The following MSANTD3 variants were observed in gnomAD, a reference collection of about 807,000 sequenced individuals.
MSANTD3 encodes Myb/SANT DNA binding domain containing 3, also known as myb/SANT-like DNA-binding domain-containing protein 3.
MSANTD3 carries 11 observed loss-of-function variants against 27.7 expected under a neutral mutation model. That is an observed-to-expected ratio of 0.40 (90% confidence interval 0.25 to 0.66). The LOEUF (loss-of-function observed/expected upper bound fraction) is 0.66, where lower values mean the gene tolerates loss of function less well. Among genes scored for constraint, MSANTD3 ranks in the 30% least tolerant of loss-of-function variants. The pLI, the probability that MSANTD3 is intolerant of heterozygous loss-of-function variation, is 0.41. For missense variants in MSANTD3, 250 were observed against 336.5 expected (o/e 0.74, Z 2.01); for synonymous variants, 131 against 127.2 (o/e 1.03, Z -0.20).
Position 100,427,277 on chromosome 9 carries a change from G to C in MSANTD3, c.-150G>C, listed in dbSNP as rs1407164662. 1 of 145,566 alleles carries C rather than the reference G, an allele frequency of 6.9e-6. No individual in the cohort carries two copies. The highest frequency in any genetic ancestry group is 1.5e-5 in the Non-Finnish European group (1 of 65,588). 9.0% of individuals were successfully genotyped at this position (145,566 alleles called of 1,614,324 possible). A position where few individuals can be genotyped will look rare whatever the true frequency, so the allele number is the denominator to read the frequency against. On this transcript the variant is annotated 5_prime_UTR_variant, in exon 1 of 3. Coordinates refer to ENST00000395067, the MANE Select transcript of MSANTD3 (RefSeq NM_080655.3). ...GCCGCCGCCGCCGCCGCCGCCCGGCGTTCGGGAGCCCGCGGCCCTCCCGGC... is the reference window on the plus strand; with the variant it reads ...GCCGCCGCCGCCGCCGCCGCCCGGCCTTCGGGAGCCCGCGGCCCTCCCGGC...
chr9:100,448,907 C>G (rs1836818507), intron 2 of MSANTD3: 3 of 984,370 alleles, frequency 3.0e-6, no homozygotes, highest in South Asian at 9.4e-5. Flanking sequence ...TAATTAGGGA[C>G]TAGTTATGAT....
chr9:100,445,293 A>C (rs1240044780), intron 2 of MSANTD3: 4 of 1,027,886 alleles, frequency 3.9e-6, no homozygotes, highest in Non-Finnish European at 4.6e-6. Flanking sequence ...ATTTGACATA[A>C]GGAATGTGTG....
In MSANTD3 at chr9:100,442,181, C is replaced by CA; in HGVS notation, c.250dup (p.Ile84AsnfsTer5). The stretch of plus-strand genomic sequence containing the variant: ...GCTGGGAGAACATCAAGGCTCGGAC[C>CA]AAAAAAATTATGGCCCATGAAAGGA... On this transcript the variant is annotated frameshift_variant, in exon 2 of 3. Transcript: ENST00000395067. LOFTEE classifies it high-confidence loss of function. 6.2e-7 allele frequency: 1 copy of CA among 1,613,956 alleles called. No individual in the cohort carries two copies. Among genetic ancestry groups the CA allele is most frequent in the South Asian group, 1.1e-5 (1 of 91,068 alleles).
intron 2 of MSANTD3, 78 bp downstream of exon 2, chr9:100,442,434 G>C: frequency 6.6e-7 from 1 of 1,506,542 alleles, no homozygotes; most frequent in Admixed American, 2.3e-5. Flanking sequence ...CCTCCACTTT[G>C]AGGGAACTTC....
At chr9:100,435,985 T>C (rs1836470166) in intron 1 of MSANTD3, among the ~76,000 whole-genome samples, 1 of 152,260 alleles carries the variant, frequency 6.6e-6, no homozygotes, top group Non-Finnish European at 1.5e-5. Flanking sequence ...GTTAGTGTTT[T>C]GGAAATTGTG....
intron 1 of MSANTD3, among the ~76,000 whole-genome samples, chr9:100,438,059 C>T (rs1424953328): frequency 6.6e-6 from 1 of 152,194 alleles, no homozygotes; most frequent in African/African-American, 2.4e-5. Context: ...CACCTAGTGG[C>T]AGCTAGAGGT....
intron 2 of MSANTD3, among the ~76,000 whole-genome samples, chr9:100,443,753 A>G (rs1394820227): frequency 6.6e-6 from 1 of 152,252 alleles, no homozygotes; most frequent in Non-Finnish European, 1.5e-5. Context: ...AAATGCACAT[A>G]GATAAATTTC....
chr9:100,448,077 A>T, intron 2 of MSANTD3: 1 of 313,520 alleles, frequency 3.2e-6, no homozygotes, highest in Non-Finnish European at 4.6e-6. Flanking sequence ...CTGTAGTCCC[A>T]GCTAGTTGGA....
intron 2 of MSANTD3, among the ~76,000 whole-genome samples, chr9:100,445,946 A>T (rs1836742617): frequency 6.6e-6 from 1 of 152,218 alleles, no homozygotes. Context: ...CCTTAAATAT[A>T]TTAAAACAAT....
intron 2 of MSANTD3, 65 bp from the exon 3 acceptor site, chr9:100,450,492 A>G (rs1047204539): frequency 2.1e-6 from 3 of 1,395,622 alleles, no homozygotes; most frequent in African/African-American, 2.9e-5. Context: ...TTGAAATAGG[A>G]TTGGTTTTTT....
At chr9:100,442,503 T>C (rs1203115374) in intron 2 of MSANTD3, 147 bp downstream of exon 2, 22 of 1,340,082 alleles carry the variant, frequency 1.6e-5, no homozygotes, top group Non-Finnish European at 2.1e-5. Context: ...CAGGATTATA[T>C]AGGACATTCA....
chr9:100,443,148 C>G (rs1291201246), intron 2 of MSANTD3, among the ~76,000 whole-genome samples: 1 of 152,038 alleles, frequency 6.6e-6, no homozygotes, highest in Admixed American at 6.6e-5. Flanking sequence ...GCCTGTAATC[C>G]CAGCACTTTG....
At chr9:100,450,522 T>G in intron 2 of MSANTD3, 35 bp from the exon 3 acceptor site, 1 of 1,496,186 alleles carries the variant, frequency 6.7e-7, no homozygotes, top group Non-Finnish European at 8.9e-7. Context: ...GCCTGTAAAA[T>G]CTTTGAACAT....
chr9:100,440,017 G>T (rs371034588), intron 1 of MSANTD3, among the ~76,000 whole-genome samples: 1 of 152,046 alleles, frequency 6.6e-6, no homozygotes, highest in Non-Finnish European at 1.5e-5. Context: ...CATTTTTGCC[G>T]TAACATATTT....
At chr9:100,445,188 A>C in intron 2 of MSANTD3, 2 of 1,609,998 alleles carry the variant, frequency 1.2e-6, no homozygotes, top group South Asian at 2.2e-5. Flanking sequence ...AAGAAAGAAA[A>C]AGAAGCCTGG....
chr9:100,435,665 G>A lies in MSANTD3; in HGVS notation c.-33-6241G>A, dbSNP rs78610081. 6.7e-3 allele frequency among the ~76,000 whole-genome samples: 1,025 copies of A among 152,258 alleles called. 7 individuals are homozygous for A. The highest frequency in any genetic ancestry group is 0.024 in the African/African-American group (992 of 41,540). ...TTGTAGGTGGTGGCCATCTTGCTGTGTGCCATCTTGCTGTGTTCTTACATG... is the reference window on the plus strand; with the variant it reads ...TTGTAGGTGGTGGCCATCTTGCTGTATGCCATCTTGCTGTGTTCTTACATG... On this transcript the variant is annotated intron_variant, in intron 1 of 2. Coordinates refer to ENST00000395067, the MANE Select transcript of MSANTD3 (RefSeq NM_080655.3).
At chr9:100,436,057 T>C (rs1836471055) in intron 1 of MSANTD3, among the ~76,000 whole-genome samples, 1 of 152,262 alleles carries the variant, frequency 6.6e-6, no homozygotes, top group Non-Finnish European at 1.5e-5. Context: ...TTTAGGCCTA[T>C]CTATGGGTCT....
chr9:100,451,663 G>A lies in MSANTD3; in HGVS notation c.*697G>A, dbSNP rs559670892. The stretch of plus-strand genomic sequence containing the variant: ...GGAGCTAAGGATGTAACTACTTTGA[G>A]GAAGAAATGTTCGTTTAGATTTCTA... On this transcript the variant is annotated 3_prime_UTR_variant, in exon 3 of 3. Transcript: ENST00000395067. The A allele has an allele frequency of 2.1e-3, 321 of 151,174 alleles. No individual in the cohort carries two copies. The highest frequency in any genetic ancestry group is 0.01 in the Middle Eastern group (3 of 292). 9.4% of individuals were successfully genotyped at this position (151,174 alleles called of 1,614,324 possible). A position where few individuals can be genotyped will look rare whatever the true frequency, so the allele number is the denominator to read the frequency against.
intron 1 of MSANTD3, among the ~76,000 whole-genome samples, chr9:100,437,612 C>T (rs765740008): frequency 2.6e-5 from 4 of 152,098 alleles, no homozygotes; most frequent in Non-Finnish European, 5.9e-5. Context: ...ACCGCAAGGC[C>T]CAGTGAGGCC....
Sources: allele counts gnomAD v4.1 joint callset (sites outside exome capture counted in the v4.1 genomes callset), GRCh38; gene constraint gnomAD v4.1.1; transcripts MANE v1.5; gene names NCBI Gene and HGNC (gene_info 2026-07-23, HGNC 2026-07-21).